Variants in ZNF189 observed in about 807,000 individuals in gnomAD.
ZNF189 encodes the protein zinc finger protein 189.
Under a neutral mutation model 53.5 loss-of-function variants are expected in ZNF189, and 33 were observed. The ratio of observed to expected loss-of-function variants is 0.62; its 90% CI spans 0.47 to 0.82. The LOEUF is 0.82. Among genes scored for constraint, ZNF189 ranks in the 40% least tolerant of loss-of-function variants. The pLI, the probability that ZNF189 is intolerant of heterozygous loss-of-function variation, is 0.00. For synonymous variants in ZNF189, 247 were observed against 238.8 expected, an observed-to-expected ratio of 1.03 and a Z score of -0.32; for missense variants, 711 against 753.9, an observed-to-expected ratio of 0.94 and a Z score of 0.67.
In ZNF189 at chr9:101,399,908, G is replaced by C; in HGVS notation, c.58G>C (p.Ala20Pro). 2 of 1,614,144 alleles carry C rather than the reference G, an allele frequency of 1.2e-6. No homozygotes were observed. Among genetic ancestry groups the C allele is most frequent in the Non-Finnish European group, 1.7e-6 (2 of 1,180,006 alleles). The change falls in exon 2 of 3, where the codon GCT (alanine) becomes CCT (proline). Residue 20 changes from alanine (A) to proline (P), a missense_variant. By Grantham distance (27) the Ala-to-Pro change is conservative. Transcript: ENST00000339664. The part of the protein sequence containing the change: ...SKGLLTFEDV[A>P]VFFTQEEWDY... ...GGGGTTGCTGACATTTGAGGATGTG[G>C]CTGTGTTTTTTACCCAGGAGGAGTG...
chr9:101,407,794 T>A, intron 2 of ZNF189, 135 bp from the exon 3 acceptor site: 2 of 884,526 alleles, frequency 2.3e-6, no homozygotes, highest in Non-Finnish European at 3.3e-6. Flanking sequence ...TTTTTTTTCA[T>A]CCTACCCTGT....
At chr9:101,401,921 A>AT (rs139208707) in intron 2 of ZNF189, among the ~76,000 whole-genome samples, 13 of 149,460 alleles carry the variant, frequency 8.7e-5, no homozygotes, top group East Asian at 2.0e-4. Context: ...AATAAGTCCC[A>AT]TTTTTTTTTT....
chr9:101,399,895 ATT>A lies in ZNF189; in HGVS notation c.47_48del (p.Phe16Ter). 3.1e-6 allele frequency: 5 copies of A among 1,614,136 alleles called. No homozygotes were observed. The highest frequency in any genetic ancestry group is 3.3e-4 in the Middle Eastern group (2 of 6,062). On this transcript the variant is annotated frameshift_variant, in exon 2 of 3. Transcript: ENST00000339664. LOFTEE classifies it high-confidence loss of function. The stretch of plus-strand genomic sequence containing the variant: ...TCATACTATTTCAGGGGTTGCTGAC[ATT>A]TGAGGATGTGGCTGTGTTTTTTACC... Reference protein sequence around the residue: ...PPPESKGLLTFEDVAVFFTQE... With the variant: ...PPPESKGLLTXEDVAVFFTQE...
chr9:101,408,492 A>C lies in ZNF189; in HGVS notation c.724A>C (p.Ser242Arg). ...GTGTAATCAGTGTAAACAGAGCTTC[A>C]GCCAGAGAAGGAGCCTTGTTAAACA... ...YQCNQCKQSF[S>R]QRRSLVKHQR... Residue 242 changes from serine (S) to arginine (R), a missense_variant, in exon 3 of 3, where the codon AGC (serine) becomes CGC (arginine). By Grantham distance (110) the Ser-to-Arg change is moderately radical. Transcript: ENST00000339664. 5.6e-6 allele frequency: 9 copies of C among 1,614,200 alleles called. No homozygotes were observed. The highest frequency in any genetic ancestry group is 7.6e-6 in the Non-Finnish European group (9 of 1,180,034).
rs146668775 is a variant in ZNF189 at position 101,408,244 on chromosome 9, G to A, written c.476G>A (p.Arg159His). 8.3e-5 allele frequency: 134 copies of A among 1,614,150 alleles called. No individual in the cohort carries two copies. Among genetic ancestry groups the A allele is most frequent in the Non-Finnish European group, 1.1e-4 (124 of 1,180,018 alleles). The change falls in exon 3 of 3, where the codon CGC (arginine) becomes CAC (histidine). Residue 159 changes from arginine (R) to histidine (H), a missense_variant. Transcript: ENST00000339664. ...KCEECGKGFV[R>H]KAHFIQHQRV... ...GAAGAATGTGGAAAGGGTTTTGTCC[G>A]CAAGGCCCATTTCATTCAACATCAA... is the stretch of plus-strand genomic sequence containing the variant.
In ZNF189 at chr9:101,410,458, C is replaced by T. The variant is rs934362658; in HGVS notation, c.*809C>T. 6.6e-6 allele frequency: 1 copy of T among 152,314 alleles called. No individual in the cohort carries two copies. The highest frequency in any genetic ancestry group is 2.4e-5 in the African/African-American group (1 of 41,406). The allele number at this position is 152,314 out of a possible 1,614,324, so 9.4% of individuals were successfully genotyped here. ...ATGAAAGTGTACATATTATGACTGC[C>T]AAGTATTGGAAATGAAAAGACCTGG... On this transcript the variant is annotated 3_prime_UTR_variant, in exon 3 of 3. Coordinates refer to ENST00000339664, the MANE Select transcript of ZNF189 (RefSeq NM_003452.4).
chr9:101,409,018 A>G lies in ZNF189; in HGVS notation c.1250A>G (p.Gln417Arg), dbSNP rs1255230838. Reference protein sequence around the residue: ...KAFSRSSGLIQHQRIHTREKT... With the variant: ...KAFSRSSGLIRHQRIHTREKT... ...TTTAGTAGAAGCTCAGGTCTTATTC[A>G]GCATCAGAGAATTCACACCAGGGAG... The change falls in exon 3 of 3, where the codon CAG (glutamine) becomes CGG (arginine). Residue 417 changes from glutamine (Q) to arginine (R), a missense_variant. Transcript: ENST00000339664. 1 of 1,614,138 alleles carries G rather than the reference A, an allele frequency of 6.2e-7. No homozygotes were observed.
chr9:101,399,692 C>T (rs1830457568), intron 1 of ZNF189, among the ~76,000 whole-genome samples, 192 bp from the exon 2 acceptor site: 1 of 152,202 alleles, frequency 6.6e-6, no homozygotes, highest in African/African-American at 2.4e-5. Context: ...AAAGCCTTAT[C>T]CGTAGGTCCT....
intron 2 of ZNF189, among the ~76,000 whole-genome samples, 159 bp downstream of exon 2, chr9:101,400,169 G>A (rs576695578): frequency 4.6e-5 from 7 of 152,264 alleles, no homozygotes; most frequent in Admixed American, 2.0e-4. Context: ...CTCATCCCTA[G>A]CTTCCTTGAG....
Position 101,409,480 on chromosome 9 carries a change from A to C in ZNF189, c.1712A>C (p.Glu571Ala). The C allele has an allele frequency of 1.2e-6, 2 of 1,614,170 alleles. No individual in the cohort carries two copies. The highest frequency in any genetic ancestry group is 1.7e-6 in the Non-Finnish European group (2 of 1,180,022). Residue 571 changes from glutamate (E) to alanine (A), a missense_variant, in exon 3 of 3, where the codon GAG (glutamate) becomes GCG (alanine). By Grantham distance (107) the Glu-to-Ala change is moderately radical. Transcript: ENST00000339664. ...ACAGGAGAGAAACCTTATAAGTGTG[A>C]GAAGTGCGACAAAAGTTTCAGTCAA... is the stretch of plus-strand genomic sequence containing the variant. ...IHTGEKPYKC[E>A]KCDKSFSQQR...
intron 2 of ZNF189, among the ~76,000 whole-genome samples, chr9:101,407,033 G>T (rs1343228407): frequency 6.6e-6 from 1 of 152,076 alleles, no homozygotes; most frequent in Non-Finnish European, 1.5e-5. Flanking sequence ...CTTTTTGGTT[G>T]TTGCTCCCAT....
rs767096886 is a variant in ZNF189, at chr9:101,408,509, T to C, written c.741T>C (p.Leu247=). 5.0e-6 allele frequency: 8 copies of C among 1,614,168 alleles called. No homozygotes were observed. The East Asian group carries it at 1.8e-4, about 36-fold the overall frequency. The change falls in exon 3 of 3, where the codon CTT becomes CTC. Residue 247 remains leucine (L), a synonymous_variant. Coordinates refer to ENST00000339664, the MANE Select transcript of ZNF189 (RefSeq NM_003452.4). ...CKQSFSQRRS[L]VKHQRIHTGE... ...AGAGCTTCAGCCAGAGAAGGAGCCT[T>C]GTTAAACATCAAAGGATTCATACAG...
At chr9:101,406,353 G>A (rs555729240) in intron 2 of ZNF189, among the ~76,000 whole-genome samples, 71 of 152,224 alleles carry the variant, frequency 4.7e-4, no homozygotes, top group Non-Finnish European at 8.7e-4. Context: ...AGGAAAGACG[G>A]GATAATTAAG....
At chr9:101,399,216 C>A in intron 1 of ZNF189, 27 bp downstream of exon 1, 1 of 1,570,398 alleles carries the variant, frequency 6.4e-7, no homozygotes, top group Non-Finnish European at 8.7e-7. Context: ...CCGGGGATCC[C>A]GGTTGTCTCG....
In ZNF189 at chr9:101,408,962, G is replaced by A. The variant is rs2118273712; in HGVS notation, c.1194G>A (p.Lys398=). 3 of 1,613,826 alleles carry A rather than the reference G, an allele frequency of 1.9e-6. No individual in the cohort carries two copies. Among genetic ancestry groups the A allele is most frequent in the East Asian group, 4.5e-5 (2 of 44,836 alleles). The part of the protein sequence containing the change: ...TRHQRIHTGD[K]PHKCEECGKA... Reference sequence around the variant, plus strand: ...ATCAGAGAATTCACACAGGAGACAAGCCCCATAAATGTGAGGAATGTGGAA... The same window carrying A: ...ATCAGAGAATTCACACAGGAGACAAACCCCATAAATGTGAGGAATGTGGAA... Residue 398 remains lysine (K), a synonymous_variant, in exon 3 of 3, where the codon AAG becomes AAA. Transcript: ENST00000339664.
chr9:101,399,977 A>G lies in ZNF189; in HGVS notation c.127A>G (p.Met43Val). Residue 43 changes from methionine (M) to valine (V), a missense_variant, in exon 2 of 3, where the codon ATG (methionine) becomes GTG (valine). Met to Val is a conservative substitution (Grantham distance 21, BLOSUM62 1). Coordinates refer to ENST00000339664, the MANE Select transcript of ZNF189 (RefSeq NM_003452.4). ...PAQRSLYKDV[M>V]MENYGNLVSL... ...TCAGAGAAGCCTGTATAAAGATGTCATGATGGAGAATTATGGAAACCTGGT... is the reference window on the plus strand; with the variant it reads ...TCAGAGAAGCCTGTATAAAGATGTCGTGATGGAGAATTATGGAAACCTGGT... 1.2e-6 allele frequency: 2 copies of G among 1,614,160 alleles called. No individual in the cohort carries two copies. The highest frequency in any genetic ancestry group is 2.2e-5 in the East Asian group (1 of 44,868).
At chr9:101,401,985 G>A (rs1830553694) in intron 2 of ZNF189, among the ~76,000 whole-genome samples, 1 of 151,842 alleles carries the variant, frequency 6.6e-6, no homozygotes, top group Non-Finnish European at 1.5e-5. Flanking sequence ...TGCAATCTCA[G>A]CTCACTGCAG....
At chr9:101,406,240 A>G (rs910679056) in intron 2 of ZNF189, among the ~76,000 whole-genome samples, 1 of 152,120 alleles carries the variant, frequency 6.6e-6, no homozygotes, top group Non-Finnish European at 1.5e-5. Flanking sequence ...TTTTTTTTCA[A>G]TGCTTGGCTT....
rs1830871536 is a variant in ZNF189 at position 101,409,724 on chromosome 9, G to A, written c.*75G>A. ...GCAGTTTTAGTATGGCTCAACATGG[G>A]TCAGATTTAGTGATAAAGCAAATTC... On this transcript the variant is annotated 3_prime_UTR_variant, in exon 3 of 3. Transcript: ENST00000339664. The A allele has an allele frequency of 2.0e-6, 3 of 1,476,362 alleles. No homozygotes were observed. Among genetic ancestry groups the A allele is most frequent in the Non-Finnish European group, 2.7e-6 (3 of 1,113,350 alleles). 91.5% of individuals were successfully genotyped at this position (1,476,362 alleles called of 1,614,324 possible).
Sources: allele counts gnomAD v4.1 joint callset (sites outside exome capture counted in the v4.1 genomes callset), GRCh38; gene constraint gnomAD v4.1.1; transcripts MANE v1.5; gene names NCBI Gene and HGNC (gene_info 2026-07-23, HGNC 2026-07-21).